The following CDH22 variants were observed in gnomAD, a reference collection of about 807,000 sequenced individuals.
The protein encoded by CDH22 is cadherin-22.
Under a neutral mutation model 58.4 loss-of-function variants are expected in CDH22, and 30 were observed. That is an observed-to-expected ratio of 0.51 (90% CI 0.38 to 0.70). CDH22 has a LOEUF of 0.70. Among genes scored for constraint, CDH22 ranks in the 30% least tolerant of loss-of-function variants. The pLI is 0.00. For synonymous variants in CDH22, 513 were observed against 558.2 expected, an observed-to-expected ratio of 0.92 and a Z score of 1.14; for missense variants, 1,014 against 1,233.9, an observed-to-expected ratio of 0.82 and a Z score of 2.67.
chr20:46,177,725 G>T (rs1016201372), intron 11 of CDH22, among the ~76,000 whole-genome samples: 2 of 152,134 alleles, frequency 1.3e-5, no homozygotes, highest in African/African-American at 4.8e-5. Context: ...ACGTGAATGG[G>T]GTGGGCCACA....
chr20:46,305,693 G>C (rs899449272), intron 1 of CDH22, among the ~76,000 whole-genome samples: 2 of 152,238 alleles, frequency 1.3e-5, no homozygotes, highest in African/African-American at 4.8e-5. Flanking sequence ...GGAAGAAAAA[G>C]GGGAGGGGGA....
At chr20:46,180,675 C>T (rs1267199039) in intron 10 of CDH22, among the ~76,000 whole-genome samples, 1 of 152,152 alleles carries the variant, frequency 6.6e-6, no homozygotes, top group Non-Finnish European at 1.5e-5. Flanking sequence ...GGCTCAGAGA[C>T]AAGTGACTTG....
In CDH22 at chr20:46,210,339, C is replaced by T. The variant is rs1253119042; in HGVS notation, c.1254G>A (p.Ala418=). 2.1e-6 allele frequency: 3 copies of T among 1,462,514 alleles called. No individual in the cohort carries two copies. The highest frequency in any genetic ancestry group is 9.0e-7 in the Non-Finnish European group (1 of 1,111,764). The allele number at this position is 1,462,514 out of a possible 1,614,324, so 90.6% of individuals were successfully genotyped here. Residue 418 remains alanine, a synonymous_variant, in exon 7 of 12, where the codon GCG becomes GCA. Coordinates refer to ENST00000537909, the MANE Select transcript of CDH22 (RefSeq NM_021248.3). This position sits in a 1 kb window ranked among gnomAD's most constrained non-coding sequence, Gnocchi z 4.5. ...GCCGGTTGGCGGCGTCGGGGTCCCGCGCCGTCACCACGCCGACCAGGGAGC... is the reference window on the plus strand; with the variant it reads ...GCCGGTTGGCGGCGTCGGGGTCCCGTGCCGTCACCACGCCGACCAGGGAGC... ...QVGSLVGVVT[A]RDPDAANRPV...
At chr20:46,291,879 G>C (rs1379866729) in intron 1 of CDH22, among the ~76,000 whole-genome samples, 1 of 152,238 alleles carries the variant, frequency 6.6e-6, no homozygotes, top group Non-Finnish European at 1.5e-5. Flanking sequence ...GGGCTGTCCT[G>C]TGCAGGGTAG....
intron 3 of CDH22, among the ~76,000 whole-genome samples, chr20:46,238,666 T>C (rs1210427985): frequency 6.6e-6 from 1 of 152,250 alleles, no homozygotes; most frequent in Non-Finnish European, 1.5e-5. Context: ...TGAGTTTTCT[T>C]TCTTTCACAC....
At chr20:46,293,697 T>C (rs1568685027) in intron 1 of CDH22, among the ~76,000 whole-genome samples, 1 of 152,046 alleles carries the variant, frequency 6.6e-6, no homozygotes, top group Non-Finnish European at 1.5e-5. Context: ...GATCCATCCA[T>C]TCAACAGGTA....
chr20:46,178,062 C>T lies in CDH22; in HGVS notation c.1799G>A (p.Cys600Tyr). Residue 600 changes from cysteine to tyrosine, a missense_variant, in exon 11 of 12, where the codon TGT becomes TAT. Physicochemically the swap from Cys to Tyr is radical, Grantham distance 194. Transcript: ENST00000537909. ...SSTGTLTIRI[C>Y]GCDSSGTIQS... is the part of the protein sequence containing the mutation. ...GATGGTGCCGGAGCTGTCGCAGCCA[C>T]AGATGCGGATGGTGAGCGTGCCTGT... 1 of 1,614,110 alleles carries T rather than the reference C, an allele frequency of 6.2e-7. No homozygotes were observed. Among genetic ancestry groups the T allele is most frequent in the Non-Finnish European group, 8.5e-7 (1 of 1,180,014 alleles).
At chr20:46,274,223 T>C (rs1415440066) in intron 1 of CDH22, among the ~76,000 whole-genome samples, 3 of 152,054 alleles carry the variant, frequency 2.0e-5, no homozygotes, top group Non-Finnish European at 4.4e-5. Context: ...TTTCTGGGGA[T>C]TGGGCAGCAT....
intron 1 of CDH22, among the ~76,000 whole-genome samples, chr20:46,288,033 G>A (rs2086583829): frequency 6.6e-6 from 1 of 152,194 alleles, no homozygotes; most frequent in African/African-American, 2.4e-5. Context: ...GTAAGACCTT[G>A]AGGTGGCCCC....
chr20:46,198,116 T>G (rs1218978766), intron 8 of CDH22, among the ~76,000 whole-genome samples: 1 of 152,068 alleles, frequency 6.6e-6, no homozygotes, highest in East Asian at 1.9e-4. Flanking sequence ...GTGGAGGCCA[T>G]GACAGTGGCA....
intron 3 of CDH22, among the ~76,000 whole-genome samples, chr20:46,229,270 A>T (rs953498856): frequency 6.8e-6 from 1 of 148,128 alleles, no homozygotes; most frequent in Non-Finnish European, 1.5e-5. Flanking sequence ...TCCTCATAGC[A>T]TCTCGGAGAT....
chr20:46,246,734 G>A (rs537410145), intron 2 of CDH22, among the ~76,000 whole-genome samples: 10 of 152,234 alleles, frequency 6.6e-5, no homozygotes, highest in African/African-American at 1.4e-4. Flanking sequence ...ATAGGTTACC[G>A]TCGGGCGCCC....
At chr20:46,239,801 A>G (rs2086277652) in intron 3 of CDH22, among the ~76,000 whole-genome samples, 1 of 152,136 alleles carries the variant, frequency 6.6e-6, no homozygotes, top group Non-Finnish European at 1.5e-5. Flanking sequence ...TTTCTACCAG[A>G]GCCCCAGGAG....
chr20:46,287,995 G>A (rs950474418), intron 1 of CDH22, among the ~76,000 whole-genome samples: 8 of 152,284 alleles, frequency 5.3e-5, no homozygotes, highest in East Asian at 1.9e-4. Flanking sequence ...GGAATGCTAC[G>A]GGGAGCTGCA....
intron 1 of CDH22, among the ~76,000 whole-genome samples, chr20:46,270,926 T>C (rs1338430933): frequency 2.0e-5 from 3 of 152,208 alleles, no homozygotes; most frequent in African/African-American, 7.2e-5. Flanking sequence ...TGAGCCTCAG[T>C]GCCCTGTTCT....
At chr20:46,201,893 C>T (rs1030512561) in intron 7 of CDH22, among the ~76,000 whole-genome samples, 1 of 152,136 alleles carries the variant, frequency 6.6e-6, no homozygotes, top group Non-Finnish European at 1.5e-5. Flanking sequence ...CTGCTTCTCC[C>T]CCAACCATCC....
At chr20:46,267,175 G>A (rs1301531617) in intron 1 of CDH22, among the ~76,000 whole-genome samples, 1 of 152,068 alleles carries the variant, frequency 6.6e-6, no homozygotes, top group East Asian at 1.9e-4. Flanking sequence ...ACTTGAACTA[G>A]GAAAGTCTGG....
intron 1 of CDH22, among the ~76,000 whole-genome samples, chr20:46,270,950 C>T (rs913879265): frequency 1.3e-5 from 2 of 152,146 alleles, no homozygotes; most frequent in Admixed American, 1.3e-4. Flanking sequence ...AAACAGGGAA[C>T]AGGAATCCCA....
At chr20:46,240,899 C>T in intron 3 of CDH22, 64 bp downstream of exon 3, 2 of 1,438,718 alleles carry the variant, frequency 1.4e-6, no homozygotes, top group African/African-American at 1.4e-5. Context: ...TACTCCCCTT[C>T]CCAGCAGGCT....
Sources: gnomAD v4.1 joint callset for allele counts (sites outside exome capture counted in the v4.1 genomes callset) on GRCh38, gnomAD v4.1.1 for gene constraint, Gnocchi (gnomAD v3.1) non-coding constraint, MANE v1.5 for transcripts, NCBI Gene and HGNC (gene_info 2026-07-23, HGNC 2026-07-21) for gene names.